HIBADH: variants seen among roughly 807,000 people sequenced by gnomAD.
HIBADH encodes 3-hydroxyisobutyrate dehydrogenase.
In HIBADH, 25 loss-of-function variants were observed where a neutral mutation model predicts 36.1. That is an observed-to-expected ratio of 0.69 (90% CI 0.50 to 0.97). The LOEUF is 0.97. HIBADH is among the 50% of genes least tolerant of loss of function. HIBADH has a pLI of 0.00. For synonymous variants in HIBADH, 160 were observed against 149.5 expected (o/e 1.07, Z -0.51); for missense variants, 421 against 418.0 (o/e 1.01, Z -0.06).
At chr7:27,582,661 T>C (rs1438075821) in intron 4 of HIBADH, among the ~76,000 whole-genome samples, 1 of 152,114 alleles carries the variant, frequency 6.6e-6, no homozygotes, top group African/African-American at 2.4e-5. Flanking sequence ...GAGATCTAAG[T>C]GTATGGGACT....
intron 2 of HIBADH, among the ~76,000 whole-genome samples, chr7:27,636,144 T>C (rs1239077380): frequency 6.6e-6 from 1 of 152,236 alleles, no homozygotes. Flanking sequence ...CCTTTTTACA[T>C]ATCCATTGGA....
At chr7:27,568,900 G>A (rs570539763) in intron 4 of HIBADH, among the ~76,000 whole-genome samples, 4 of 134,764 alleles carry the variant, frequency 3.0e-5, no homozygotes, top group African/African-American at 1.1e-4. Context: ...GAAGCTTTCA[G>A]CCACCTTTTT....
At position 27,600,102 on chromosome 7, in the gene HIBADH, AT is replaced by A. The variant is rs529823759; in HGVS notation, c.484+29268del. On this transcript the variant is annotated intron_variant, in intron 4 of 7. Transcript: ENST00000265395. ...GAATGGGTCTTCTTTCACATTTCTT[AT>A]TTTTCTTCACCTTTATTGCTATGGT... 1.2e-3 allele frequency among the ~76,000 whole-genome samples: 176 copies of A among 152,106 alleles called. 1 individual carries two copies. The highest frequency in any genetic ancestry group is 3.7e-3 in the African/African-American group (155 of 41,518).
chr7:27,644,791 T>C (rs918082500), intron 2 of HIBADH, among the ~76,000 whole-genome samples: 4 of 151,688 alleles, frequency 2.6e-5, no homozygotes, highest in South Asian at 2.1e-4. Flanking sequence ...AGAAATCTTA[T>C]ACGCATTAGC....
At chr7:27,604,399 A>C (rs996197117) in intron 4 of HIBADH, among the ~76,000 whole-genome samples, 3 of 149,122 alleles carry the variant, frequency 2.0e-5, no homozygotes, top group Non-Finnish European at 4.4e-5. Flanking sequence ...TATAATTTTT[A>C]CTAGTCCAGT....
intron 1 of HIBADH, among the ~76,000 whole-genome samples, 187 bp from the exon 2 acceptor site, chr7:27,649,820 C>A (rs1321347570): frequency 6.6e-6 from 1 of 151,226 alleles, no homozygotes; most frequent in African/African-American, 2.4e-5. Context: ...ACTGCTCGAG[C>A]CCAGGAGTTT....
chr7:27,635,404 A>T (rs1210959250), intron 2 of HIBADH, among the ~76,000 whole-genome samples: 1 of 152,146 alleles, frequency 6.6e-6, no homozygotes, highest in Non-Finnish European at 1.5e-5. Flanking sequence ...AAGGAACACT[A>T]ATTTGGGAAG....
intron 4 of HIBADH, among the ~76,000 whole-genome samples, chr7:27,611,353 G>A (rs142580098): frequency 1.1e-3 from 167 of 152,274 alleles, no homozygotes; most frequent in African/African-American, 3.9e-3. Context: ...TGCCCTGGGA[G>A]CAGACTGAAC....
At chr7:27,598,326 TCCTTC>T (rs1785064639) in intron 4 of HIBADH, among the ~76,000 whole-genome samples, 1 of 152,184 alleles carries the variant, frequency 6.6e-6, no homozygotes, top group Non-Finnish European at 1.5e-5. Context: ...ATAAGGGCAA[TCCTTC>T]ATTATCTAGA....
chr7:27,659,146 G>A (rs1220118734), intron 1 of HIBADH, among the ~76,000 whole-genome samples: 1 of 152,146 alleles, frequency 6.6e-6, no homozygotes, highest in African/African-American at 2.4e-5. Context: ...TTCTATACAT[G>A]ATGCTAATTT....
intron 1 of HIBADH, among the ~76,000 whole-genome samples, chr7:27,661,044 G>C (rs898722184): frequency 6.6e-6 from 1 of 152,214 alleles, no homozygotes; most frequent in East Asian, 1.9e-4. Context: ...TGTGAAAACT[G>C]GTGCTACTGT....
intron 4 of HIBADH, among the ~76,000 whole-genome samples, chr7:27,628,684 A>G (rs1021993381): frequency 6.6e-6 from 1 of 152,106 alleles, no homozygotes; most frequent in Non-Finnish European, 1.5e-5. Flanking sequence ...AAATTAAGCC[A>G]TCTCAGCATA....
intron 4 of HIBADH, among the ~76,000 whole-genome samples, chr7:27,586,309 C>T (rs183078181): frequency 7.0e-5 from 10 of 141,908 alleles, no homozygotes; most frequent in East Asian, 2.1e-4. Flanking sequence ...TAATCCAGAG[C>T]AACTGCAGTG....
At chr7:27,558,522 G>A (rs1057209447) in intron 4 of HIBADH, among the ~76,000 whole-genome samples, 12 of 151,902 alleles carry the variant, frequency 7.9e-5, no homozygotes, top group East Asian at 3.9e-4. Context: ...TAGAGATGGC[G>A]TCTTGCCATT....
At chr7:27,629,533 A>G in intron 3 of HIBADH, 41 bp from the exon 4 acceptor site, 1 of 1,419,406 alleles carries the variant, frequency 7.0e-7, no homozygotes, top group Non-Finnish European at 9.4e-7. Context: ...TACAACTCTG[A>G]GTAAAAATTT....
chr7:27,661,264 GA>G (rs1786411707), intron 1 of HIBADH, among the ~76,000 whole-genome samples: 1 of 152,088 alleles, frequency 6.6e-6, no homozygotes, highest in Non-Finnish European at 1.5e-5. Flanking sequence ...AGGTTTCACT[GA>G]GGGGGAGAAT....
intron 3 of HIBADH, 74 bp downstream of exon 3, chr7:27,632,262 T>C: frequency 1.0e-6 from 1 of 970,632 alleles, no homozygotes; most frequent in Non-Finnish European, 1.6e-6. Context: ...CAATTGTAAT[T>C]TCCTAATAGT....
intron 2 of HIBADH, among the ~76,000 whole-genome samples, chr7:27,637,673 G>A (rs1349446539): frequency 6.6e-6 from 1 of 152,044 alleles, no homozygotes; most frequent in Non-Finnish European, 1.5e-5. Context: ...CAGACATGAC[G>A]CTGTATCTAG....
chr7:27,629,263 G>T, intron 4 of HIBADH, 108 bp downstream of exon 4: 2 of 1,088,092 alleles, frequency 1.8e-6, no homozygotes, highest in Non-Finnish European at 1.3e-6. Context: ...TGAGAATCCT[G>T]TAACAAGTCT....
Sources: gnomAD v4.1 joint callset for allele counts (sites outside exome capture counted in the v4.1 genomes callset) on GRCh38, gnomAD v4.1.1 for gene constraint, MANE v1.5 for transcripts, NCBI Gene and HGNC (gene_info 2026-07-23, HGNC 2026-07-21) for gene names.